Variants in NCALD observed in about 807,000 individuals in gnomAD.
NCALD encodes the protein neurocalcin delta, also known as neurocalcin-delta.
A neutral mutation model predicts 18.6 loss-of-function variants in NCALD; 10 were observed. The ratio of observed to expected loss-of-function variants is 0.54; its 90% CI spans 0.33 to 0.91. The LOEUF (loss-of-function observed/expected upper bound fraction) is 0.91, where lower values mean the gene tolerates loss of function less well. Among genes scored for constraint, NCALD ranks in the 40% least tolerant of loss-of-function variants. NCALD has a pLI of 0.03. For synonymous variants in NCALD, 88 were observed against 87.4 expected (o/e 1.01, Z -0.04); for missense variants, 184 against 247.6 (o/e 0.74, Z 1.72).
At chr8:101,934,686 AC>A (rs1166358776) in intron 2 of NCALD, among the ~76,000 whole-genome samples, 1 of 152,170 alleles carries the variant, frequency 6.6e-6, no homozygotes, top group Non-Finnish European at 1.5e-5. Context: ...GGAAAAAAAA[AC>A]AGATTGCAAA....
chr8:101,710,955 G>A (rs1051219957), intron 2 of NCALD, among the ~76,000 whole-genome samples: 4 of 152,180 alleles, frequency 2.6e-5, no homozygotes, highest in East Asian at 1.9e-4. Context: ...CCTGACCCCC[G>A]AGGCTCCTGA....
At chr8:102,111,686 G>A (rs537912148) in intron 1 of NCALD, among the ~76,000 whole-genome samples, 3 of 152,064 alleles carry the variant, frequency 2.0e-5, no homozygotes, top group Non-Finnish European at 4.4e-5. Context: ...TACTCATCTC[G>A]GATCTCTAAC....
chr8:101,907,286 C>G (rs1417683161), intron 3 of NCALD, among the ~76,000 whole-genome samples: 1 of 152,090 alleles, frequency 6.6e-6, no homozygotes, highest in African/African-American at 2.4e-5. Context: ...TTTAATGTTC[C>G]CTTTGGACTA....
At chr8:101,828,746 T>C (rs1814046354) in intron 4 of NCALD, among the ~76,000 whole-genome samples, 1 of 152,040 alleles carries the variant, frequency 6.6e-6, no homozygotes, top group Admixed American at 6.6e-5. Flanking sequence ...GGATTACAGC[T>C]CAAGCCACCA....
chr8:102,035,939 A>G (rs770240927), intron 1 of NCALD, among the ~76,000 whole-genome samples: 8 of 152,102 alleles, frequency 5.3e-5, no homozygotes, highest in African/African-American at 1.9e-4. Context: ...ATAGCCTAAT[A>G]ATAATACTAA....
At chr8:102,019,727 A>G (rs1318030814) in intron 2 of NCALD, among the ~76,000 whole-genome samples, 2 of 152,188 alleles carry the variant, frequency 1.3e-5, no homozygotes, top group Non-Finnish European at 2.9e-5. Flanking sequence ...ACACATCATT[A>G]CGAAGTTGGT....
chr8:102,116,345 G>C lies in NCALD; in HGVS notation c.-210+7892C>G, dbSNP rs182316504. On this transcript the variant is annotated intron_variant, in intron 1 of 6. Coordinates refer to the NCALD transcript ENST00000311028. ...GAATCCAGACAGTAAATCAAATCTA[G>C]GGGCACCGTAACAGAGTCAGAGAAT... Among the ~76,000 whole-genome samples, 348 of 152,298 alleles carry C rather than the reference G, an allele frequency of 2.3e-3. 2 individuals carry two copies. The highest frequency in any genetic ancestry group is 3.3e-3 in the Non-Finnish European group (225 of 68,012).
At chr8:102,081,469 CG>C (rs1378510736) in intron 1 of NCALD, among the ~76,000 whole-genome samples, 1 of 142,452 alleles carries the variant, frequency 7.0e-6, no homozygotes, top group Admixed American at 7.6e-5. Context: ...GTGGCACAAA[CG>C]GGCCCTGGGC....
chr8:101,935,689 T>C (rs1248315937), intron 2 of NCALD, among the ~76,000 whole-genome samples: 1 of 149,642 alleles, frequency 6.7e-6, no homozygotes, highest in African/African-American at 2.5e-5. Flanking sequence ...AGAGAGAAAG[T>C]GGGGAGAGGA....
At chr8:101,793,254 G>A (rs1812512358), upstream of NCALD, among the ~76,000 whole-genome samples, 1 of 151,922 alleles carries the variant, frequency 6.6e-6, no homozygotes, top group Non-Finnish European at 1.5e-5. Flanking sequence ...GGAGGCTGAG[G>A]CAGGAGGATC....
chr8:101,924,778 A>T (rs1035135463), intron 2 of NCALD, among the ~76,000 whole-genome samples: 57 of 152,208 alleles, frequency 3.7e-4, no homozygotes, highest in Non-Finnish European at 1.5e-4. Context: ...AATGTCGAAA[A>T]AATATTTTAA....
At chr8:102,118,274 T>C (rs1425785826) in intron 1 of NCALD, among the ~76,000 whole-genome samples, 3 of 152,162 alleles carry the variant, frequency 2.0e-5, no homozygotes, top group Admixed American at 1.3e-4. Flanking sequence ...AGCAGCCCTG[T>C]CCCCTGAACA....
intron 1 of NCALD, among the ~76,000 whole-genome samples, chr8:102,082,489 T>TC (rs1409378913): frequency 6.6e-6 from 1 of 151,918 alleles, no homozygotes; most frequent in African/African-American, 2.4e-5. Context: ...CCAGGATCCT[T>TC]CTCTAACTAA....
chr8:102,124,240 C>T (rs1826041402), exon 1 of NCALD: 1 of 151,932 alleles, frequency 6.6e-6, no homozygotes, highest in South Asian at 2.1e-4. Context: ...GACTCACCGC[C>T]TCGGCCGCTC....
rs201729096 is a variant in NCALD, at chr8:101,712,587, C to CAAAAAAAAA, written c.378+6656_378+6664dup. Among the ~76,000 whole-genome samples, 24 of 78,890 alleles carry CAAAAAAAAA rather than the reference C, an allele frequency of 3.0e-4. No homozygotes were observed. The East Asian group carries it at 3.6e-3, about 12-fold the overall frequency. The allele number at this position is 78,890 out of a possible 152,430, so 51.8% of individuals were successfully genotyped here. On this transcript the variant is annotated intron_variant, in intron 2 of 3. Transcript: ENST00000220931. ...GAAGATTTACCAAACAAATGGAAAG[C>CAAAAAAAAA]AAAAAAAAAAAAAAAAAAAAAAAAT... is the stretch of plus-strand genomic sequence containing the variant.
intron 3 of NCALD, among the ~76,000 whole-genome samples, chr8:101,898,030 C>T (rs1817273404): frequency 6.6e-6 from 1 of 152,044 alleles, no homozygotes; most frequent in South Asian, 2.1e-4. Context: ...TATTCTTCTC[C>T]TCGATGCCAC....
At chr8:102,091,583 T>C (rs1824924886) in intron 1 of NCALD, among the ~76,000 whole-genome samples, 1 of 152,250 alleles carries the variant, frequency 6.6e-6, no homozygotes, top group South Asian at 2.1e-4. Flanking sequence ...AGCCTTCTTA[T>C]TTAATTTACT....
chr8:101,939,901 AG>A (rs1818894401), intron 2 of NCALD, among the ~76,000 whole-genome samples: 1 of 152,214 alleles, frequency 6.6e-6, no homozygotes, highest in African/African-American at 2.4e-5. Context: ...ACAGCTAGTA[AG>A]TGGCCATGTG....
intron 1 of NCALD, among the ~76,000 whole-genome samples, chr8:101,722,750 G>C (rs1162036380): frequency 1.3e-5 from 2 of 152,180 alleles, no homozygotes; most frequent in African/African-American, 4.8e-5. Flanking sequence ...AGACTGATCT[G>C]TGTGCAGCTA....
Sources: gnomAD v4.1 joint callset for allele counts (sites outside exome capture counted in the v4.1 genomes callset) on GRCh38, gnomAD v4.1.1 for gene constraint, MANE v1.5 for transcripts, NCBI Gene and HGNC (gene_info 2026-07-23, HGNC 2026-07-21) for gene names.